Variants in CNKSR2 observed in about 807,000 individuals in gnomAD.
The protein encoded by CNKSR2 is connector enhancer of kinase suppressor of Ras 2.
A neutral mutation model predicts 84.4 loss-of-function variants in CNKSR2; 14 were observed. The ratio of observed to expected loss-of-function variants is 0.17; its 90% CI spans 0.11 to 0.26. CNKSR2 has a LOEUF of 0.26. Ranked by LOEUF, CNKSR2 falls within the 10% of genes least tolerant of loss-of-function variation. The pLI, the probability that CNKSR2 is intolerant of heterozygous loss-of-function variation, is 1.00. For synonymous variants in CNKSR2, 275 were observed against 277.9 expected (o/e 0.99, Z 0.10); for missense variants, 485 against 771.2 (o/e 0.63, Z 4.40).
chrX:21,639,969 G>C (rs374918812), intron 20 of CNKSR2, among the ~76,000 whole-genome samples: 1 of 111,583 alleles, frequency 9.0e-6, no homozygotes, highest in Non-Finnish European at 1.9e-5. Context: ...AAGAGATACC[G>C]TGCCCTAGGG....
At chrX:21,390,013 C>T (rs2090026973) in intron 1 of CNKSR2, among the ~76,000 whole-genome samples, 1 of 111,896 alleles carries the variant, frequency 8.9e-6, no homozygotes, top group Non-Finnish European at 1.9e-5. Flanking sequence ...TTAGCTCCAT[C>T]TTCTCATTTT....
At chrX:21,429,586 A>G (rs2090608229) in intron 2 of CNKSR2, 1 of 111,456 alleles carries the variant, frequency 9.0e-6, no homozygotes, top group Non-Finnish European at 1.9e-5. Context: ...ATTGGTAGTA[A>G]TTGAGAATTG....
At chrX:21,617,679 T>A (rs2092583520) in intron 20 of CNKSR2, among the ~76,000 whole-genome samples, 1 of 111,315 alleles carries the variant, frequency 9.0e-6, no homozygotes, top group Non-Finnish European at 1.9e-5. Flanking sequence ...TAGTTGATTA[T>A]CAGTTAGAGT....
chrX:21,383,265 A>T (rs762799425), intron 1 of CNKSR2, among the ~76,000 whole-genome samples: 53 of 112,858 alleles, frequency 4.7e-4, no homozygotes, highest in African/African-American at 1.6e-3. Flanking sequence ...TTTAAATCAC[A>T]ATCATTAATT....
At chrX:21,375,293 C>G (rs974100108) in intron 1 of CNKSR2, among the ~76,000 whole-genome samples, 2 of 112,591 alleles carry the variant, frequency 1.8e-5, no homozygotes, top group Non-Finnish European at 3.8e-5. Context: ...ACGTGGCGAC[C>G]CTTATCTCCC....
At chrX:21,408,267 TACTCAGGATG>T (rs1266864826) in intron 1 of CNKSR2, among the ~76,000 whole-genome samples, 1 of 112,160 alleles carries the variant, frequency 8.9e-6, no homozygotes, top group Non-Finnish European at 1.9e-5. Flanking sequence ...AACCTGTGGC[TACTCAGGATG>T]ACTCTCACTG....
intron 20 of CNKSR2, among the ~76,000 whole-genome samples, chrX:21,610,877 G>A (rs2092546943): frequency 8.9e-6 from 1 of 112,085 alleles, no homozygotes; most frequent in Admixed American, 9.5e-5. Context: ...CCTTTATGGT[G>A]TGGATCTTCA....
At position 21,654,620 on chromosome X, in the gene CNKSR2, G is replaced by T. The variant is rs937950800; in HGVS notation, c.*2099G>T. ...CTATATAATATCTGTACATTTTATTGCATTCGTTTCAAATCTAGGAGAGAG... is the reference window on the plus strand; with the variant it reads ...CTATATAATATCTGTACATTTTATTTCATTCGTTTCAAATCTAGGAGAGAG... On this transcript the variant is annotated 3_prime_UTR_variant, in exon 22 of 22. Coordinates refer to ENST00000379510, the MANE Select transcript of CNKSR2 (RefSeq NM_014927.5). The T allele has an allele frequency of 8.9e-6, 1 of 111,755 alleles. No individual in the cohort carries two copies. The highest frequency in any genetic ancestry group is 1.9e-5 in the Non-Finnish European group (1 of 53,197). 9.2% of individuals were successfully genotyped at this position (111,755 alleles called of 1,213,427 possible).
chrX:21,554,047 T>C (rs1387610326), intron 11 of CNKSR2, among the ~76,000 whole-genome samples: 8 of 111,665 alleles, frequency 7.2e-5, no homozygotes, highest in African/African-American at 2.6e-4. Flanking sequence ...ATTGTCTCTA[T>C]GAACAGAGAC....
intron 15 of CNKSR2, chrX:21,594,748 T>G (rs1052171440): frequency 3.5e-4 from 91 of 263,681 alleles, no homozygotes; most frequent in Non-Finnish European, 5.4e-4. Flanking sequence ...TGAAAAAGAC[T>G]TTTTAAAAGT....
intron 11 of CNKSR2, among the ~76,000 whole-genome samples, chrX:21,557,517 C>G (rs890383996): frequency 9.0e-6 from 1 of 110,510 alleles, no homozygotes; most frequent in African/African-American, 3.3e-5. Context: ...TATGGAGACA[C>G]CAATTAAAAA....
At chrX:21,476,755 C>T (rs745878710) in intron 5 of CNKSR2, among the ~76,000 whole-genome samples, 1 of 111,474 alleles carries the variant, frequency 9.0e-6, no homozygotes, top group African/African-American at 3.3e-5. Context: ...GGACAAAAGG[C>T]AATACAGATA....
intron 13 of CNKSR2, among the ~76,000 whole-genome samples, chrX:21,582,292 T>C (rs1034474391): frequency 2.7e-5 from 3 of 112,291 alleles, no homozygotes; most frequent in Non-Finnish European, 5.6e-5. Flanking sequence ...ATGTTATTGG[T>C]TTGAATTATC....
chrX:21,393,016 G>T (rs1035116328), intron 1 of CNKSR2, among the ~76,000 whole-genome samples: 5 of 111,918 alleles, frequency 4.5e-5, no homozygotes, highest in African/African-American at 1.6e-4. Context: ...AGTAGATAAA[G>T]AAACTGACAG....
chrX:21,387,126 A>T, intron 1 of CNKSR2, among the ~76,000 whole-genome samples: 1 of 112,090 alleles, frequency 8.9e-6, no homozygotes, highest in South Asian at 3.7e-4. Flanking sequence ...CAGATTTTCA[A>T]ATGAAGCTGC....
At chrX:21,527,084 G>A in intron 10 of CNKSR2, 84 bp downstream of exon 10, 5 of 836,416 alleles carry the variant, frequency 6.0e-6, no homozygotes, top group Non-Finnish European at 8.5e-6. Context: ...AATTCTGAAG[G>A]AACACCTTGA....
At chrX:21,424,362 T>C (rs1169111110) in intron 1 of CNKSR2, 1 of 111,897 alleles carries the variant, frequency 8.9e-6, no homozygotes, top group African/African-American at 3.2e-5. Flanking sequence ...TTAGTCCTTA[T>C]CTTACTAGAA....
At chrX:21,421,027 A>G (rs746191140) in intron 1 of CNKSR2, among the ~76,000 whole-genome samples, 110 of 111,479 alleles carry the variant, frequency 9.9e-4, no homozygotes, top group African/African-American at 3.2e-3. Context: ...ACTTTAGCCC[A>G]TGGTGTCCAG....
intron 1 of CNKSR2, among the ~76,000 whole-genome samples, chrX:21,420,519 C>T (rs1477884890): frequency 1.8e-5 from 2 of 111,895 alleles, no homozygotes; most frequent in Non-Finnish European, 3.8e-5. Context: ...TGGGTCTCAC[C>T]TGAAGCCAAC....
Sources: allele counts gnomAD v4.1 joint callset (sites outside exome capture counted in the v4.1 genomes callset), GRCh38; gene constraint gnomAD v4.1.1; transcripts MANE v1.5; gene names NCBI Gene and HGNC (gene_info 2026-07-23, HGNC 2026-07-21).